Variants in KIF6 observed in about 807,000 individuals in gnomAD.
The protein encoded by KIF6 is kinesin-like protein KIF6.
KIF6 carries 106 observed loss-of-function variants against 112.7 expected under a neutral mutation model. The ratio of observed to expected loss-of-function variants is 0.94; its 90% CI spans 0.80 to 1.11. KIF6 has a LOEUF of 1.11. Among genes scored for constraint, KIF6 ranks in the 50% least tolerant of loss-of-function variants. KIF6 has a pLI of 0.00. For missense variants in KIF6, 929 were observed against 964.0 expected, an observed-to-expected ratio of 0.96 and a Z score of 0.48; for synonymous variants, 339 against 339.9, an observed-to-expected ratio of 1.00 and a Z score of 0.03.
intron 3 of KIF6, among the ~76,000 whole-genome samples, chr6:39,709,547 A>G (rs302589): frequency 0.86 from 130,878 of 152,212 alleles, 56,685 homozygotes; most frequent in East Asian, 0.97. Flanking sequence ...GTACCGGTGC[A>G]TGGCCTGGGG....
chr6:39,355,451 TAAG>T (rs1764577731), intron 19 of KIF6, among the ~76,000 whole-genome samples: 1 of 91,856 alleles, frequency 1.1e-5, no homozygotes, highest in Non-Finnish European at 2.1e-5. Flanking sequence ...CTTTTAATTT[TAAG>T]AAGTCTTTTT....
At chr6:39,636,195 A>T (rs1238820306) in intron 4 of KIF6, among the ~76,000 whole-genome samples, 1 of 152,070 alleles carries the variant, frequency 6.6e-6, no homozygotes, top group African/African-American at 2.4e-5. Flanking sequence ...TCTTCAGTGT[A>T]AAATGAATGA....
intron 5 of KIF6, among the ~76,000 whole-genome samples, chr6:39,626,585 C>T (rs1235649542): frequency 6.6e-6 from 1 of 152,166 alleles, no homozygotes; most frequent in Non-Finnish European, 1.5e-5. Flanking sequence ...TACCTACTTC[C>T]TTAAATGAGA....
intron 3 of KIF6, among the ~76,000 whole-genome samples, chr6:39,672,597 A>C (rs1299583888): frequency 6.6e-6 from 1 of 152,216 alleles, no homozygotes; most frequent in East Asian, 1.9e-4. Context: ...CTTAAATAAC[A>C]GAAATTTATT....
At chr6:39,507,170 G>C (rs955903798) in intron 13 of KIF6, among the ~76,000 whole-genome samples, 2 of 152,146 alleles carry the variant, frequency 1.3e-5, no homozygotes, top group African/African-American at 4.8e-5. Context: ...GGCATCAGAA[G>C]TGGTGGCAGT....
intron 6 of KIF6, among the ~76,000 whole-genome samples, chr6:39,605,392 AAT>A (rs1218527776): frequency 6.6e-6 from 1 of 152,088 alleles, no homozygotes; most frequent in Non-Finnish European, 1.5e-5. Flanking sequence ...GTGGAATAAT[AAT>A]ATTATGGGGC....
chr6:39,717,072 C>A (rs907701765), intron 2 of KIF6, among the ~76,000 whole-genome samples: 3 of 152,156 alleles, frequency 2.0e-5, no homozygotes, highest in African/African-American at 7.2e-5. Context: ...CCTAACTAGT[C>A]TTTTCCCCCT....
intron 13 of KIF6, among the ~76,000 whole-genome samples, chr6:39,504,584 C>T (rs979203741): frequency 9.2e-5 from 14 of 152,072 alleles, no homozygotes; most frequent in Non-Finnish European, 1.9e-4. Flanking sequence ...TGACATGATC[C>T]TATATCTGGA....
chr6:39,606,898 G>C (rs1782918736), intron 6 of KIF6, among the ~76,000 whole-genome samples: 1 of 152,160 alleles, frequency 6.6e-6, no homozygotes, highest in Non-Finnish European at 1.5e-5. Flanking sequence ...TCTTTAAAGG[G>C]AAACTCTATC....
At chr6:39,521,880 T>C (rs1414312602) in intron 13 of KIF6, among the ~76,000 whole-genome samples, 1 of 152,190 alleles carries the variant, frequency 6.6e-6, no homozygotes, top group Admixed American at 6.5e-5. Context: ...TTTTATCCTG[T>C]CATCTTTGGC....
chr6:39,385,756 G>GAAA lies in KIF6; in HGVS notation c.1811-87_1811-85dup, dbSNP rs10655582. The stretch of plus-strand genomic sequence containing the variant: ...CCTCAGAAGCATGTGGCAAGCTACA[G>GAAA]AAAAAAAAAAAAAAAGGTAGAGTAA... On this transcript the variant is annotated intron_variant, in intron 15 of 22. Transcript: ENST00000287152. 2.8e-3 allele frequency: 1,423 copies of GAAA among 501,230 alleles called. 10 individuals carry two copies. The highest frequency in any genetic ancestry group is 8.7e-3 in the African/African-American group (382 of 44,066). 31.0% of individuals were successfully genotyped at this position (501,230 alleles called of 1,614,324 possible).
chr6:39,597,164 A>C (rs1782321475), intron 6 of KIF6, among the ~76,000 whole-genome samples: 1 of 152,234 alleles, frequency 6.6e-6, no homozygotes, highest in Non-Finnish European at 1.5e-5. Flanking sequence ...CTATATATTC[A>C]ATGCAATTGA....
intron 16 of KIF6, among the ~76,000 whole-genome samples, chr6:39,368,521 G>A (rs140503895): frequency 1.6e-3 from 250 of 152,312 alleles, no homozygotes; most frequent in Non-Finnish European, 2.8e-3. Context: ...GTATTTGAAG[G>A]TGTTGCTCTT....
intron 13 of KIF6, among the ~76,000 whole-genome samples, chr6:39,496,083 C>G (rs1282894245): frequency 6.6e-6 from 1 of 152,214 alleles, no homozygotes; most frequent in Non-Finnish European, 1.5e-5. Flanking sequence ...AAGCTGCCAG[C>G]CTGTTTTTCT....
intron 13 of KIF6, among the ~76,000 whole-genome samples, chr6:39,468,946 G>A (rs1461612077): frequency 3.3e-5 from 5 of 152,052 alleles, no homozygotes; most frequent in Non-Finnish European, 5.9e-5. Context: ...GCACAAAGGA[G>A]GGGGTGGAAG....
intron 10 of KIF6, among the ~76,000 whole-genome samples, chr6:39,546,762 G>A (rs956498198): frequency 6.6e-6 from 1 of 150,674 alleles, no homozygotes; most frequent in Admixed American, 6.7e-5. Context: ...GGAGGCAGAG[G>A]TTGCAGTGGG....
chr6:39,563,268 A>C lies in KIF6; in HGVS notation c.1181+14788T>G, dbSNP rs566706092. The stretch of plus-strand genomic sequence containing the variant: ...AAGAAAAGAAAATTTAGAAGACAAA[A>C]GATTACTCCATCCTGGAACCCAGAG... On this transcript the variant is annotated intron_variant, in intron 10 of 22. Coordinates refer to ENST00000287152, the MANE Select transcript of KIF6 (RefSeq NM_145027.6). 2.6e-5 allele frequency among the ~76,000 whole-genome samples: 4 copies of C among 152,174 alleles called. No homozygotes were observed. The East Asian group carries it at 7.7e-4, about 29-fold the overall frequency.
intron 5 of KIF6, among the ~76,000 whole-genome samples, chr6:39,622,756 G>A (rs1340979509): frequency 6.6e-6 from 1 of 152,236 alleles, no homozygotes; most frequent in Non-Finnish European, 1.5e-5. Flanking sequence ...CTGGACATGA[G>A]CAGCCTCAGG....
At position 39,616,382 on chromosome 6, in the gene KIF6, C is replaced by T. The variant is rs989314116; in HGVS notation, c.510-3064G>A. Among the ~76,000 whole-genome samples, 8 of 152,254 alleles carry T rather than the reference C, an allele frequency of 5.3e-5. 1 individual carries two copies. The highest frequency in any genetic ancestry group is 1.3e-4 in the Admixed American group (2 of 15,286). ...CTATCTTTTGTAACACATCCCTGTG[C>T]GTTAATATCATGTGTTCCTCACTTT... On this transcript the variant is annotated intron_variant, in intron 5 of 22. Transcript: ENST00000287152.
Sources: allele counts gnomAD v4.1 joint callset (sites outside exome capture counted in the v4.1 genomes callset), GRCh38; gene constraint gnomAD v4.1.1; transcripts MANE v1.5; gene names NCBI Gene and HGNC (gene_info 2026-07-23, HGNC 2026-07-21).